The following CFAP206 variants were observed in gnomAD, a reference collection of about 807,000 sequenced individuals.
CFAP206 encodes cilia- and flagella-associated protein 206.
CFAP206 carries 53 observed loss-of-function variants against 65.4 expected under a neutral mutation model. The observed-to-expected ratio is 0.81, with a 90% CI of 0.65 to 1.02. The LOEUF (loss-of-function observed/expected upper bound fraction) is 1.02. CFAP206 is among the 50% of genes least tolerant of loss of function. The pLI is 0.00. For synonymous variants in CFAP206, 250 were observed against 254.4 expected, an observed-to-expected ratio of 0.98 and a Z score of 0.17; for missense variants, 663 against 753.2, an observed-to-expected ratio of 0.88 and a Z score of 1.40.
At chr6:87,413,130 A>G (rs747108028) in intron 3 of CFAP206, among the ~76,000 whole-genome samples, 12 of 152,232 alleles carry the variant, frequency 7.9e-5, no homozygotes, top group Admixed American at 2.0e-4. Flanking sequence ...CAACTAGACT[A>G]CTAGCCACCT....
At chr6:87,412,827 ATTG>A (rs570903635) in intron 3 of CFAP206, among the ~76,000 whole-genome samples, 14 of 151,966 alleles carry the variant, frequency 9.2e-5, no homozygotes, top group Non-Finnish European at 1.9e-4. Context: ...TGCCTGGCTA[ATTG>A]TTGTATTTTT....
intron 3 of CFAP206, among the ~76,000 whole-genome samples, chr6:87,411,808 A>T (rs185281278): frequency 6.6e-6 from 1 of 152,352 alleles, no homozygotes; most frequent in Admixed American, 6.5e-5. Flanking sequence ...ACTTTGTCAA[A>T]GATCACCTGA....
Position 87,410,843 on chromosome 6 carries a change from G to T in CFAP206, c.192+175G>T, listed in dbSNP as rs568837168. 3.3e-5 allele frequency among the ~76,000 whole-genome samples: 5 copies of T among 152,240 alleles called. No individual in the cohort carries two copies. In the South Asian group the frequency reaches 1.0e-3, roughly 32 times the overall value. On this transcript the variant is annotated intron_variant, in intron 3 of 12. Transcript: ENST00000369562. ...TGGAGAGACATAGACCATTCTTCCT[G>T]GCTTCCTGGGGCACACCATCCTTGC...
Position 87,410,757 on chromosome 6 carries a change from A to G in CFAP206, c.192+89A>G, listed in dbSNP as rs1767721982. On this transcript the variant is annotated intron_variant, in intron 3 of 12. Transcript: ENST00000369562. ...ATTAGTCATTATTGCCTTCAGCTGC[A>G]TGAAACAAAAGCCCACAAAATAGTA... The G allele has an allele frequency of 1.1e-5, 11 of 1,041,168 alleles. No homozygotes were observed. In the East Asian group the frequency reaches 2.6e-4, roughly 25 times the overall value. 64.5% of individuals were successfully genotyped at this position (1,041,168 alleles called of 1,614,324 possible).
At chr6:87,450,827 C>T (rs1021688092) in intron 11 of CFAP206, among the ~76,000 whole-genome samples, 1 of 152,118 alleles carries the variant, frequency 6.6e-6, no homozygotes, top group Admixed American at 6.5e-5. Context: ...CTATACTACC[C>T]CTCCCCGCAT....
intron 11 of CFAP206, among the ~76,000 whole-genome samples, chr6:87,452,793 A>G (rs1256275051): frequency 6.6e-6 from 1 of 152,118 alleles, no homozygotes; most frequent in African/African-American, 2.4e-5. Context: ...AGGAGTCAAA[A>G]GAAGAAAGAA....
In CFAP206 at chr6:87,461,897, G is replaced by A. The variant is rs575641514; in HGVS notation, c.1638+732G>A. Among the ~76,000 whole-genome samples, 11 of 152,256 alleles carry A rather than the reference G, an allele frequency of 7.2e-5. No individual in the cohort carries two copies. The South Asian group carries it at 2.3e-3, about 32-fold the overall frequency. On this transcript the variant is annotated intron_variant, in intron 12 of 12. Coordinates refer to ENST00000369562, the MANE Select transcript of CFAP206 (RefSeq NM_001031743.3). ...TGTTTGGTAGACTCAAAGCATGCAGGGGAGTGGGAAAGCTTTATAGTCAGA... is the reference window on the plus strand; with the variant it reads ...TGTTTGGTAGACTCAAAGCATGCAGAGGAGTGGGAAAGCTTTATAGTCAGA...
At position 87,461,174 on chromosome 6, in the gene CFAP206, C is replaced by G. The variant is rs765715860; in HGVS notation, c.1638+9C>G. ...GAAAAGCTATAAAATTGGTTTGTAA[C>G]AATACTTTCTAGAATTATTTATATG... On this transcript the variant is annotated intron_variant, in intron 12 of 12. Transcript: ENST00000369562. 6 of 1,522,616 alleles carry G rather than the reference C, an allele frequency of 3.9e-6. No homozygotes were observed. Among genetic ancestry groups the G allele is most frequent in the Non-Finnish European group, 5.3e-6 (6 of 1,138,532 alleles). The allele number at this position is 1,522,616 out of a possible 1,614,324, so 94.3% of individuals were successfully genotyped here.
At chr6:87,419,122 TTTTTTTTTTTG>T (rs1439907353) in intron 7 of CFAP206, among the ~76,000 whole-genome samples, 1 of 124,060 alleles carries the variant, frequency 8.1e-6, no homozygotes, top group Admixed American at 7.9e-5. Flanking sequence ...AAAACGTTTG[TTTTTTTTTTTG>T]TTTTTTTTTT....
intron 11 of CFAP206, among the ~76,000 whole-genome samples, chr6:87,437,834 T>A (rs2127953482): frequency 6.7e-6 from 1 of 148,226 alleles, no homozygotes; most frequent in East Asian, 2.0e-4. Context: ...AATTTTTTTT[T>A]TTTTTTTTTT....
In CFAP206 at chr6:87,415,652, A is replaced by G; in HGVS notation, c.284-34A>G. On this transcript the variant is annotated intron_variant, in intron 4 of 12. Transcript: ENST00000369562. ...TTACGTAAGAAGAATTCTAAAAATTAAATATATAGAACATTGTTATTTGGC... is the reference window on the plus strand; with the variant it reads ...TTACGTAAGAAGAATTCTAAAAATTGAATATATAGAACATTGTTATTTGGC... The G allele has an allele frequency of 5.1e-6, 8 of 1,570,848 alleles. No homozygotes were observed. The South Asian group carries it at 6.9e-5, about 14-fold the overall frequency.
At chr6:87,434,077 G>C (rs1414618396) in intron 10 of CFAP206, among the ~76,000 whole-genome samples, 1 of 150,368 alleles carries the variant, frequency 6.7e-6, no homozygotes, top group Admixed American at 6.7e-5. Context: ...TCCAGCCTGG[G>C]TGACAGAGCA....
chr6:87,457,145 C>A (rs9450696), intron 11 of CFAP206, among the ~76,000 whole-genome samples: 81,693 of 138,284 alleles, frequency 0.59, 24,235 homozygotes, highest in Admixed American at 0.67. Context: ...GTGAGACAAC[C>A]TCTCAAAAAA....
In CFAP206 at chr6:87,458,669, T is replaced by G. The variant is rs115274642; in HGVS notation, c.1495-2353T>G. On this transcript the variant is annotated intron_variant, in intron 11 of 12. Transcript: ENST00000369562. ...GTTACCAGAGGGCTGGTAAAGGTAG[T>G]TGTGGGGAGTGAGAAATGGGGATGG... is the stretch of plus-strand genomic sequence containing the variant. Among the ~76,000 whole-genome samples the G allele has an allele frequency of 3.0e-3, 456 of 151,980 alleles. 2 individuals carry two copies. Among genetic ancestry groups the G allele is most frequent in the African/African-American group, 0.011 (441 of 41,468 alleles).
intron 9 of CFAP206, 52 bp from the exon 10 acceptor site, chr6:87,430,981 A>G: frequency 6.4e-7 from 1 of 1,565,114 alleles, no homozygotes; most frequent in South Asian, 1.1e-5. Context: ...TTTATTTTGG[A>G]AATTTAACCT....
In CFAP206 at chr6:87,415,873, A is replaced by C. The variant is rs1312156053; in HGVS notation, c.471A>C (p.Thr157=). The C allele has an allele frequency of 3.1e-5, 47 of 1,519,320 alleles. No homozygotes were observed. Among genetic ancestry groups the C allele is most frequent in the African/African-American group, 4.2e-5 (3 of 71,594 alleles). 94.1% of individuals were successfully genotyped at this position (1,519,320 alleles called of 1,614,324 possible). A position where few individuals can be genotyped will look rare whatever the true frequency, so the allele number is the denominator to read the frequency against. The part of the protein sequence containing the change: ...PTDIKTVREV[T]AALQSVFPQA... ...ACATCAAGACTGTCAGAGAGGTAAC[A>C]GGTAAAAAGTATAACCAATTTCCAT... Residue 157 remains threonine (T), a splice_region_variant and synonymous_variant, in exon 5 of 13, where the codon ACA becomes ACC. Transcript: ENST00000369562.
intron 4 of CFAP206, among the ~76,000 whole-genome samples, chr6:87,414,423 G>A (rs768218527): frequency 6.6e-5 from 10 of 152,248 alleles, no homozygotes; most frequent in East Asian, 5.8e-4. Context: ...TCAGCCACCC[G>A]AGTAGCTGGG....
chr6:87,415,420 G>A (rs1767808415), intron 4 of CFAP206: 1 of 285,418 alleles, frequency 3.5e-6, no homozygotes, highest in African/African-American at 2.2e-5. Context: ...AGCCTTTTCT[G>A]ATATCTCCTG....
rs73752022 is a variant in CFAP206 at position 87,464,029 on chromosome 6, C to T, written c.1648C>T (p.Arg550Cys). 2.3e-4 allele frequency: 376 copies of T among 1,606,924 alleles called. No individual in the cohort carries two copies. In the African/African-American group the frequency reaches 2.6e-3, roughly 11 times the overall value. Residue 550 changes from arginine (R) to cysteine (C), a missense_variant, in exon 13 of 13, where the codon CGC (arginine) becomes TGC (cysteine). Physicochemically the swap from Arg to Cys is radical, Grantham distance 180 (BLOSUM62 -3). Coordinates refer to ENST00000369562, the MANE Select transcript of CFAP206 (RefSeq NM_001031743.3). ...TTCTCTTTCTCTTTAGGCTAATTTG[C>T]GCCAGAAAGTTACTCACTCAGTACA... ...RRKAIKLANLRQKVTHSVQTD... is the reference protein window; with the variant it reads ...RRKAIKLANLCQKVTHSVQTD...
Sources: gnomAD v4.1 joint callset for allele counts (sites outside exome capture counted in the v4.1 genomes callset) on GRCh38, gnomAD v4.1.1 for gene constraint, MANE v1.5 for transcripts, NCBI Gene and HGNC (gene_info 2026-07-23, HGNC 2026-07-21) for gene names.